The following ITGBL1 variants were observed in gnomAD, a reference collection of about 807,000 sequenced individuals.
The protein encoded by ITGBL1 is integrin beta-like protein 1.
A neutral mutation model predicts 68.5 loss-of-function variants in ITGBL1; 51 were observed. The ratio of observed to expected loss-of-function variants is 0.74; its 90% CI spans 0.59 to 0.94. The LOEUF (loss-of-function observed/expected upper bound fraction) is 0.94, where lower values mean the gene tolerates loss of function less well. Ranked by LOEUF, ITGBL1 falls within the 40% of genes least tolerant of loss-of-function variation. The pLI, the probability that ITGBL1 is intolerant of heterozygous loss-of-function variation, is 0.00. For missense variants in ITGBL1, 649 were observed against 647.4 expected (o/e 1.00, Z -0.03); for synonymous variants, 209 against 227.3 (o/e 0.92, Z 0.72).
At chr13:101,661,852 C>T (rs527534716) in intron 7 of ITGBL1, among the ~76,000 whole-genome samples, 3 of 152,108 alleles carry the variant, frequency 2.0e-5, no homozygotes, top group South Asian at 4.2e-4. Flanking sequence ...ATTTTCTAAA[C>T]GGATAAAAAT....
chr13:101,720,011 C>T (rs192897266), downstream of ITGBL1: 121 of 152,244 alleles, frequency 7.9e-4, no homozygotes, highest in African/African-American at 2.9e-3. Flanking sequence ...GTGAGTAATG[C>T]AATGCCATTT....
chr13:101,498,740 C>T (rs191199881), intron 2 of ITGBL1, among the ~76,000 whole-genome samples: 16 of 152,268 alleles, frequency 1.1e-4, no homozygotes, highest in Admixed American at 6.5e-4. Flanking sequence ...ATAGCATGAA[C>T]GGCCGCAGAT....
intron 2 of ITGBL1, among the ~76,000 whole-genome samples, chr13:101,545,125 G>A (rs897989878): frequency 5.9e-5 from 9 of 152,142 alleles, no homozygotes; most frequent in African/African-American, 1.7e-4. Context: ...TGCAAAAATC[G>A]CCCATCTTCT....
At chr13:101,659,433 T>C (rs1032244417) in intron 7 of ITGBL1, among the ~76,000 whole-genome samples, 11 of 152,182 alleles carry the variant, frequency 7.2e-5, no homozygotes, top group African/African-American at 2.7e-4. Context: ...AAGACTTAAA[T>C]TGTGGTTGAA....
chr13:101,557,925 C>T (rs528828958), intron 2 of ITGBL1, among the ~76,000 whole-genome samples: 112 of 151,736 alleles, frequency 7.4e-4, no homozygotes, highest in African/African-American at 2.7e-3. Flanking sequence ...GATGTTTCTA[C>T]TAAAAATACA....
intron 6 of ITGBL1, 58 bp downstream of exon 6, chr13:101,583,414 TAAAAAA>T: frequency 2.9e-6 from 3 of 1,047,654 alleles, no homozygotes; most frequent in Non-Finnish European, 3.8e-6. Flanking sequence ...TGTTAATGGG[TAAAAAA>T]AAAAAAAAAG....
chr13:101,593,209 C>T (rs1025887670), intron 6 of ITGBL1, among the ~76,000 whole-genome samples: 1 of 151,776 alleles, frequency 6.6e-6, no homozygotes, highest in African/African-American at 2.4e-5. Context: ...TGAGATACCT[C>T]TTCACTCCAG....
At chr13:101,544,769 G>T (rs894047462) in intron 2 of ITGBL1, among the ~76,000 whole-genome samples, 2 of 152,066 alleles carry the variant, frequency 1.3e-5, no homozygotes, top group Admixed American at 6.6e-5. Flanking sequence ...ACCCCTCCCC[G>T]AGCCTTGCTG....
At chr13:101,532,415 A>G (rs985470536) in intron 2 of ITGBL1, among the ~76,000 whole-genome samples, 1 of 152,172 alleles carries the variant, frequency 6.6e-6, no homozygotes, top group Non-Finnish European at 1.5e-5. Flanking sequence ...GATTCCAAAT[A>G]TATGTTAATA....
intron 2 of ITGBL1, among the ~76,000 whole-genome samples, chr13:101,479,993 G>A (rs1027235403): frequency 1.3e-5 from 2 of 151,966 alleles, no homozygotes; most frequent in African/African-American, 2.4e-5. Flanking sequence ...AGAAATCAGG[G>A]TATGGAAGAG....
At chr13:101,614,720 G>C (rs2031281046) in intron 7 of ITGBL1, among the ~76,000 whole-genome samples, 1 of 152,158 alleles carries the variant, frequency 6.6e-6, no homozygotes, top group Non-Finnish European at 1.5e-5. Context: ...GGAGCAATGA[G>C]CCAAGGCGAG....
intron 10 of ITGBL1, 153 bp downstream of exon 10, chr13:101,714,704 CCCTCACAAAAG>C: frequency 1.6e-6 from 1 of 609,492 alleles, no homozygotes; most frequent in African/African-American, 1.8e-5. Context: ...TGGGAAAAAG[CCCTCACAAAAG>C]CCTCACATTA....
chr13:101,504,639 G>A (rs1315728608), intron 2 of ITGBL1, among the ~76,000 whole-genome samples: 1 of 152,138 alleles, frequency 6.6e-6, no homozygotes, highest in African/African-American at 2.4e-5. Context: ...TATTTTATGT[G>A]AAAGTATTAA....
In ITGBL1 at chr13:101,531,371, T is replaced by C. The variant is rs368274640; in HGVS notation, c.317-36328T>C. The stretch of plus-strand genomic sequence containing the variant: ...TTTCAGTTTTTGCTAATCATTAATA[T>C]TCATTCACTTATTCAGTTCTTAAAT... On this transcript the variant is annotated intron_variant, in intron 2 of 10. Coordinates refer to ENST00000376180, the MANE Select transcript of ITGBL1 (RefSeq NM_004791.3). 9.2e-5 allele frequency among the ~76,000 whole-genome samples: 14 copies of C among 152,204 alleles called. No individual in the cohort carries two copies. The East Asian group carries it at 1.2e-3, about 13-fold the overall frequency.
intron 2 of ITGBL1, among the ~76,000 whole-genome samples, chr13:101,566,711 G>A (rs763042738): frequency 6.6e-6 from 1 of 152,004 alleles, no homozygotes; most frequent in Non-Finnish European, 1.5e-5. Context: ...GACTTCATGT[G>A]GCCTATGAAT....
intron 2 of ITGBL1, among the ~76,000 whole-genome samples, chr13:101,493,926 G>T (rs1408471467): frequency 1.3e-5 from 2 of 152,168 alleles, no homozygotes; most frequent in Non-Finnish European, 2.9e-5. Flanking sequence ...TGCCAGGTTA[G>T]ATTTATATAG....
intron 2 of ITGBL1, chr13:101,489,973 G>A (rs748465841): frequency 1.1e-5 from 17 of 1,509,740 alleles, no homozygotes; most frequent in Non-Finnish European, 1.5e-5. Context: ...CATGAACTTA[G>A]TTGCAGTGAT....
chr13:101,719,162 A>T (rs930103570), downstream of ITGBL1: 5 of 152,174 alleles, frequency 3.3e-5, no homozygotes, highest in African/African-American at 1.2e-4. Context: ...TTTTAAATGA[A>T]GTGATACGTG....
At position 101,595,151 on chromosome 13, in the gene ITGBL1, G is replaced by A. The variant is rs138432214; in HGVS notation, c.869-3002G>A. ...ACTCACATTTCTGCAGTCTGTACAG[G>A]AAGCATGCCACCAGCTTCTGTTCCT... On this transcript the variant is annotated intron_variant, in intron 6 of 10. Coordinates refer to ENST00000376180, the MANE Select transcript of ITGBL1 (RefSeq NM_004791.3). 1.9e-3 allele frequency among the ~76,000 whole-genome samples: 296 copies of A among 152,260 alleles called. 4 individuals carry two copies. The highest frequency in any genetic ancestry group is 3.4e-3 in the Middle Eastern group (1 of 294).
Sources: gnomAD v4.1 joint callset for allele counts (sites outside exome capture counted in the v4.1 genomes callset) on GRCh38, gnomAD v4.1.1 for gene constraint, MANE v1.5 for transcripts, NCBI Gene and HGNC (gene_info 2026-07-23, HGNC 2026-07-21) for gene names.